The following CARM1 variants were observed in gnomAD, a reference collection of about 807,000 sequenced individuals.
The protein encoded by CARM1 is coactivator associated arginine methyltransferase 1.
Under a neutral mutation model 72.7 loss-of-function variants are expected in CARM1, and 14 were observed. The ratio of observed to expected loss-of-function variants is 0.19; its 90% confidence interval spans 0.13 to 0.30. The LOEUF (loss-of-function observed/expected upper bound fraction) is 0.30. Ranked by LOEUF, CARM1 falls within the 10% of genes least tolerant of loss-of-function variation. The probability of loss-of-function intolerance (pLI) is 1.00; values close to 1 mark genes in which losing one functional copy is unlikely to be tolerated. For synonymous variants in CARM1, 333 were observed against 345.5 expected, an observed-to-expected ratio of 0.96 and a Z score of 0.40; for missense variants, 432 against 833.7, an observed-to-expected ratio of 0.52 and a Z score of 5.93.
rs1214324564 is a variant in CARM1 at position 10,921,436 on chromosome 19, T to C, written c.1677T>C (p.Ile559=). The change falls in exon 15 of 16, where the codon ATT becomes ATC. Residue 559 remains isoleucine, a synonymous_variant. Coordinates refer to ENST00000327064, the MANE Select transcript of CARM1 (RefSeq NM_199141.2). ...SRMGSIMSTG[I]VQGSSGAQGS... is the part of the protein sequence containing the mutation. ...TGGGCTCCATAATGAGCACGGGGAT[T>C]GTCCAAGGTAACGAGGGTGGCGGGG... is the stretch of plus-strand genomic sequence containing the variant. The C allele has an allele frequency of 1.2e-6, 2 of 1,604,484 alleles. No individual in the cohort carries two copies. The highest frequency in any genetic ancestry group is 1.7e-6 in the Non-Finnish European group (2 of 1,175,124).
At chr19:10,904,909 G>A (rs756635319) in intron 1 of CARM1, 42 bp from the exon 2 acceptor site, 2 of 1,598,632 alleles carry the variant, frequency 1.3e-6, no homozygotes, top group Non-Finnish European at 1.7e-6. Context: ...GAAGGCAGCT[G>A]ACAGGGCTGC....
chr19:10,882,141 G>A (rs1046963400), intron 1 of CARM1, among the ~76,000 whole-genome samples: 2 of 152,132 alleles, frequency 1.3e-5, no homozygotes, highest in Non-Finnish European at 2.9e-5. Flanking sequence ...TCTTGACATC[G>A]TCTACCCTAG....
Position 10,921,604 on chromosome 19 carries a change from C to T in CARM1, c.1685-11C>T. On this transcript the variant is annotated splice_polypyrimidine_tract_variant and intron_variant, in intron 15 of 15. Coordinates refer to ENST00000327064, the MANE Select transcript of CARM1 (RefSeq NM_199141.2). Reference sequence around the variant, plus strand: ...CAGGGCAGCCCCTCACTGCCATTGCCTGCTCCACAGGGTCCTCCGGCGCCC... The same window carrying T: ...CAGGGCAGCCCCTCACTGCCATTGCTTGCTCCACAGGGTCCTCCGGCGCCC... The T allele has an allele frequency of 1.2e-6, 2 of 1,605,292 alleles. No homozygotes were observed. The highest frequency in any genetic ancestry group is 1.7e-6 in the Non-Finnish European group (2 of 1,174,486).
rs945373489 is a variant in CARM1, at chr19:10,904,867, A to G, written c.221-84A>G. On this transcript the variant is annotated intron_variant, in intron 1 of 15. Transcript: ENST00000327064. ...GAATCTGGGGGCACCAAGGGGAGGC[A>G]GCAGGAGGGCGACAGGGACCCAGGC... 5 of 1,554,164 alleles carry G rather than the reference A, an allele frequency of 3.2e-6. No homozygotes were observed. The African/African-American group carries it at 6.8e-5, about 21-fold the overall frequency.
intron 1 of CARM1, among the ~76,000 whole-genome samples, chr19:10,891,381 C>T (rs1028674720): frequency 1.3e-5 from 2 of 152,152 alleles, no homozygotes; most frequent in African/African-American, 4.8e-5. Context: ...GCACCTGGCT[C>T]GTTTGGGAGG....
At chr19:10,877,299 C>T (rs901305376) in intron 1 of CARM1, among the ~76,000 whole-genome samples, 21 of 152,128 alleles carry the variant, frequency 1.4e-4, no homozygotes, top group African/African-American at 1.9e-4. Flanking sequence ...GCATTTATCC[C>T]GTACCAGACT....
chr19:10,901,856 G>A (rs907713551), intron 1 of CARM1, among the ~76,000 whole-genome samples: 4 of 151,870 alleles, frequency 2.6e-5, no homozygotes, highest in African/African-American at 9.7e-5. Flanking sequence ...CATAAGAATC[G>A]CTTGAACGCA....
In CARM1 at chr19:10,915,581, T is replaced by A. The variant is rs1033473508; in HGVS notation, c.848-826T>A. Among the ~76,000 whole-genome samples, 1 of 152,086 alleles carries A rather than the reference T, an allele frequency of 6.6e-6. No homozygotes were observed. The highest frequency in any genetic ancestry group is 6.5e-5 in the Admixed American group (1 of 15,268). On this transcript the variant is annotated intron_variant, in intron 6 of 15. Coordinates refer to ENST00000327064, the MANE Select transcript of CARM1 (RefSeq NM_199141.2). This position sits in a 1 kb window ranked among gnomAD's most constrained non-coding sequence, Gnocchi z 4.6. ...CCCCCAGGGCAGAAGCCGCAGCATG[T>A]GCATCTCCCTCCCCGTTCCAGCAGC...
chr19:10,913,539 C>G (rs1212615888), intron 5 of CARM1, among the ~76,000 whole-genome samples: 1 of 148,762 alleles, frequency 6.7e-6, no homozygotes, highest in Admixed American at 6.7e-5. Flanking sequence ...GAATCTGTCT[C>G]AAAGAAAAAA....
chr19:10,920,758 G>T lies in CARM1; in HGVS notation c.1424+10G>T, dbSNP rs771976497. On this transcript the variant is annotated intron_variant, in intron 12 of 15. Transcript: ENST00000327064. The surrounding 1 kb of genome is among the most constrained non-coding windows in gnomAD (Gnocchi z 5.3). Reference sequence around the variant, plus strand: ...AAAACCCCTTCTTTAGGTAGGAGGGGCCCCTTGCCTGCACAGGGGGGCGCC... The same window carrying T: ...AAAACCCCTTCTTTAGGTAGGAGGGTCCCCTTGCCTGCACAGGGGGGCGCC... 6 of 1,614,020 alleles carry T rather than the reference G, an allele frequency of 3.7e-6. No homozygotes were observed. In the Admixed American group the frequency reaches 1.0e-4, roughly 27 times the overall value.
In CARM1 at chr19:10,920,914, C is replaced by T. The variant is rs766154535; in HGVS notation, c.1505C>T (p.Thr502Ile). The part of the protein sequence containing the change: ...PSENMWNTGS[T>I]YNLSSGMAVA... ...GAAAACATGTGGAACACGGGCAGCA[C>T]CTACAACCTCAGCAGCGGGATGGCC... Residue 502 changes from threonine to isoleucine, a missense_variant, in exon 13 of 16, where the codon ACC becomes ATC. By Grantham distance (89) the Thr-to-Ile change is moderately conservative. Transcript: ENST00000327064. The surrounding 1 kb of genome is among the most constrained non-coding windows in gnomAD (Gnocchi z 5.3). 1.2e-6 allele frequency: 2 copies of T among 1,614,140 alleles called. No homozygotes were observed. Among genetic ancestry groups the T allele is most frequent in the Non-Finnish European group, 8.5e-7 (1 of 1,180,042 alleles).
intron 1 of CARM1, among the ~76,000 whole-genome samples, chr19:10,888,336 A>G (rs190299815): frequency 2.6e-5 from 4 of 152,166 alleles, no homozygotes; most frequent in African/African-American, 4.8e-5. Context: ...GGAGGCTGGG[A>G]TGGAATTTGG....
In CARM1 at chr19:10,871,967, C is replaced by G. The variant is rs1010178253; in HGVS notation, c.220+45C>G. 8.6e-7 allele frequency: 1 copy of G among 1,165,244 alleles called. No individual in the cohort carries two copies. The highest frequency in any genetic ancestry group is 1.1e-6 in the Non-Finnish European group (1 of 944,608). The allele number at this position is 1,165,244 out of a possible 1,614,324, so 72.2% of individuals were successfully genotyped here. A position where few individuals can be genotyped will look rare whatever the true frequency, so the allele number is the denominator to read the frequency against. On this transcript the variant is annotated intron_variant, in intron 1 of 15. Transcript: ENST00000327064. The surrounding 1 kb of genome is among the most constrained non-coding windows in gnomAD (Gnocchi z 5.6). ...GCAGGCGCAGGGCCGGGGCTGCTCACGAGGCCGGCCCGGGGCGGGGGCCGG... is the reference window on the plus strand; with the variant it reads ...GCAGGCGCAGGGCCGGGGCTGCTCAGGAGGCCGGCCCGGGGCGGGGGCCGG...
rs150702035 is a variant in CARM1, at chr19:10,896,762, G to A, written c.221-8189G>A. 3.3e-4 allele frequency among the ~76,000 whole-genome samples: 50 copies of A among 152,198 alleles called. No individual in the cohort carries two copies. In the East Asian group the frequency reaches 8.5e-3, roughly 26 times the overall value. On this transcript the variant is annotated intron_variant, in intron 1 of 15. Coordinates refer to ENST00000327064, the MANE Select transcript of CARM1 (RefSeq NM_199141.2). The surrounding 1 kb of genome is among the most constrained non-coding windows in gnomAD (Gnocchi z 5.2). Reference sequence around the variant, plus strand: ...AGGCTGGGTCAGGTGCCACCTCCAGGCACCTACAGAGTCCACCACTTGGGG... The same window carrying A: ...AGGCTGGGTCAGGTGCCACCTCCAGACACCTACAGAGTCCACCACTTGGGG...
At position 10,907,984 on chromosome 19, in the gene CARM1, T is replaced by G. The variant is rs527782094; in HGVS notation, c.347-55T>G. Reference sequence around the variant, plus strand: ...GCCATCCAGAACCTTCCCTCCCAGATGGCCACATGCTGGGTTGCTGACCGC... The same window carrying G: ...GCCATCCAGAACCTTCCCTCCCAGAGGGCCACATGCTGGGTTGCTGACCGC... On this transcript the variant is annotated intron_variant, in intron 2 of 15. Coordinates refer to ENST00000327064, the MANE Select transcript of CARM1 (RefSeq NM_199141.2). 2.8e-4 allele frequency: 298 copies of G among 1,076,962 alleles called. 2 individuals carry two copies. In the South Asian group the frequency reaches 3.3e-3, roughly 12 times the overall value. 66.7% of individuals were successfully genotyped at this position (1,076,962 alleles called of 1,614,324 possible).
chr19:10,911,518 G>A (rs908907611), intron 4 of CARM1, among the ~76,000 whole-genome samples: 4 of 152,186 alleles, frequency 2.6e-5, no homozygotes, highest in African/African-American at 9.7e-5. Context: ...AGTACCCTGA[G>A]GCCTTCCCAC....
intron 2 of CARM1, among the ~76,000 whole-genome samples, chr19:10,907,425 T>C (rs974027641): frequency 2.0e-5 from 3 of 152,120 alleles, no homozygotes; most frequent in Admixed American, 1.3e-4. Flanking sequence ...CTTTTCTTAA[T>C]TTTTTATTTC....
At chr19:10,899,547 A>G (rs1047926975) in intron 1 of CARM1, among the ~76,000 whole-genome samples, 1 of 152,036 alleles carries the variant, frequency 6.6e-6, no homozygotes, top group Non-Finnish European at 1.5e-5. Flanking sequence ...CCCTCCTGGC[A>G]GGGCTCAGGA....
chr19:10,877,634 C>A lies in CARM1; in HGVS notation c.220+5712C>A, dbSNP rs369271431. 2.3e-4 allele frequency among the ~76,000 whole-genome samples: 35 copies of A among 152,260 alleles called. 1 individual carries two copies. The highest frequency in any genetic ancestry group is 7.7e-4 in the African/African-American group (32 of 41,560). Reference sequence around the variant, plus strand: ...ACAGGGTTTCACCATCTTGGCCAGGCTGGCCTCGAACTCCTGACCTCAAAT... The same window carrying A: ...ACAGGGTTTCACCATCTTGGCCAGGATGGCCTCGAACTCCTGACCTCAAAT... On this transcript the variant is annotated intron_variant, in intron 1 of 15. Coordinates refer to ENST00000327064, the MANE Select transcript of CARM1 (RefSeq NM_199141.2).
Sources: allele counts gnomAD v4.1 joint callset (sites outside exome capture counted in the v4.1 genomes callset), GRCh38; gene constraint gnomAD v4.1.1; non-coding constraint Gnocchi (gnomAD v3.1); transcripts MANE v1.5; gene names NCBI Gene and HGNC (gene_info 2026-07-23, HGNC 2026-07-21).